The following SLMAP variants were observed in gnomAD, a reference collection of about 807,000 sequenced individuals.
SLMAP encodes sarcolemmal membrane-associated protein.
In SLMAP, 44 loss-of-function variants were observed where a neutral mutation model predicts 128.8. The observed-to-expected ratio is 0.34, with a 90% CI of 0.27 to 0.44. The LOEUF (loss-of-function observed/expected upper bound fraction) is 0.44, where lower values mean the gene tolerates loss of function less well. SLMAP is among the 20% of genes least tolerant of loss of function. SLMAP has a pLI of 1.00. For synonymous variants in SLMAP, 327 were observed against 348.8 expected, an observed-to-expected ratio of 0.94 and a Z score of 0.70; for missense variants, 787 against 985.3, an observed-to-expected ratio of 0.80 and a Z score of 2.69.
rs547852357 is a variant in SLMAP at position 57,762,150 on chromosome 3, C to T, written c.198+4301C>T. Among the ~76,000 whole-genome samples the T allele has an allele frequency of 5.3e-5, 8 of 150,236 alleles. No individual in the cohort carries two copies. The South Asian group carries it at 8.4e-4, about 16-fold the overall frequency. On this transcript the variant is annotated intron_variant, in intron 2 of 24. Transcript: ENST00000671191. ...TGGGGAGGCTGAGGCAGACGGATCA[C>T]GAGGTTAGGAGATCGAGATCATCCT...
chr3:57,778,914 A>G (rs1012884391), intron 2 of SLMAP, among the ~76,000 whole-genome samples: 4 of 152,086 alleles, frequency 2.6e-5, no homozygotes, highest in African/African-American at 9.7e-5. Context: ...GAATTTCTGT[A>G]TATCTATTGA....
At chr3:57,761,023 G>C (rs2078524175) in intron 2 of SLMAP, among the ~76,000 whole-genome samples, 1 of 151,298 alleles carries the variant, frequency 6.6e-6, no homozygotes, top group Non-Finnish European at 1.5e-5. Context: ...CACCGCGCCC[G>C]GCCAGGTTTT....
intron 17 of SLMAP, among the ~76,000 whole-genome samples, chr3:57,904,825 C>G (rs1300504065): frequency 6.6e-6 from 1 of 152,148 alleles, no homozygotes; most frequent in East Asian, 1.9e-4. Flanking sequence ...AACTACTAAA[C>G]ATTCTACAAT....
Position 57,831,398 on chromosome 3 carries a change from A to T in SLMAP, c.214A>T (p.Thr72Ser), listed in dbSNP as rs1184081812. 1 of 1,548,352 alleles carries T rather than the reference A, an allele frequency of 6.5e-7. No individual in the cohort carries two copies. Among genetic ancestry groups the T allele is most frequent in the Non-Finnish European group, 8.7e-7 (1 of 1,146,226 alleles). The change falls in exon 3 of 25, where the codon ACT (threonine) becomes TCT (serine). Residue 72 changes from threonine to serine, a missense_variant. Physicochemically the swap from Thr to Ser is moderately conservative, Grantham distance 58. Coordinates refer to ENST00000671191, the MANE Select transcript of SLMAP (RefSeq NM_001377540.1). ...TTTTTTGCAGTTTTATCTTCAAGAC[A>T]CTAAAAGTAGTAATGGTACTTTTAT... ...HKTGKFYLQD[T>S]KSSNGTFINS...
intron 2 of SLMAP, among the ~76,000 whole-genome samples, chr3:57,776,008 A>C (rs1429082445): frequency 1.3e-5 from 2 of 152,164 alleles, no homozygotes; most frequent in Non-Finnish European, 2.9e-5. Flanking sequence ...CAATTTTTTA[A>C]ATAATTTAAA....
intron 3 of SLMAP, among the ~76,000 whole-genome samples, chr3:57,838,353 G>T (rs573590910): frequency 3.3e-5 from 5 of 152,254 alleles, no homozygotes; most frequent in Non-Finnish European, 5.9e-5. Context: ...AAGCTAGGTG[G>T]TTCCTACAAA....
chr3:57,815,037 T>G (rs574572508), intron 2 of SLMAP, among the ~76,000 whole-genome samples: 2 of 152,102 alleles, frequency 1.3e-5, no homozygotes, highest in Admixed American at 6.6e-5. Flanking sequence ...TCCAACCTTT[T>G]TGGCACCGAG....
intron 2 of SLMAP, among the ~76,000 whole-genome samples, chr3:57,788,173 A>G (rs537331845): frequency 6.6e-6 from 1 of 152,228 alleles, no homozygotes; most frequent in Non-Finnish European, 1.5e-5. Flanking sequence ...ATTTTTGTGA[A>G]TCATATAGGA....
At chr3:57,827,152 G>T (rs1480783701) in intron 2 of SLMAP, among the ~76,000 whole-genome samples, 3 of 152,176 alleles carry the variant, frequency 2.0e-5, no homozygotes, top group Non-Finnish European at 4.4e-5. Context: ...CTGGCCTGTG[G>T]TGTGTCTACT....
intron 2 of SLMAP, among the ~76,000 whole-genome samples, chr3:57,763,072 C>G (rs1401563067): frequency 6.7e-6 from 1 of 150,330 alleles, no homozygotes; most frequent in East Asian, 2.0e-4. Flanking sequence ...ACTGAGCAAG[C>G]AGATCTACCC....
intron 6 of SLMAP, among the ~76,000 whole-genome samples, chr3:57,851,727 C>T (rs1237781934): frequency 6.6e-6 from 1 of 151,918 alleles, no homozygotes; most frequent in Non-Finnish European, 1.5e-5. Flanking sequence ...TCAAGTGATC[C>T]ATCCACCTTG....
At chr3:57,869,659 T>TATATATAA (rs1213782539) in intron 13 of SLMAP, among the ~76,000 whole-genome samples, 7 of 115,426 alleles carry the variant, frequency 6.1e-5, no homozygotes, top group East Asian at 6.2e-4. Flanking sequence ...TATATATATA[T>TATATATAA]AATATATATA....
At chr3:57,829,031 C>T (rs1419808601) in intron 2 of SLMAP, among the ~76,000 whole-genome samples, 1 of 152,102 alleles carries the variant, frequency 6.6e-6, no homozygotes, top group East Asian at 1.9e-4. Context: ...GATTCTCCCA[C>T]CTTGGCCTCC....
At chr3:57,890,948 CGTG>C (rs2096053748) in intron 15 of SLMAP, 1 of 152,062 alleles carries the variant, frequency 6.6e-6, no homozygotes, top group South Asian at 2.1e-4. Context: ...TCAAATATCT[CGTG>C]GTTTCCATTC....
At chr3:57,825,354 A>G (rs1407989943) in intron 2 of SLMAP, among the ~76,000 whole-genome samples, 1 of 151,750 alleles carries the variant, frequency 6.6e-6, no homozygotes, top group African/African-American at 2.4e-5. Context: ...ACTATTGAGT[A>G]TTATGTTAGC....
chr3:57,757,606 A>T lies in SLMAP; in HGVS notation c.-46A>T, dbSNP rs2077833563. On this transcript the variant is annotated 5_prime_UTR_variant, in exon 2 of 25. Coordinates refer to ENST00000671191, the MANE Select transcript of SLMAP (RefSeq NM_001377540.1). ...TGAAGGGCAGTCCGGATCCGGAGGA[A>T]CTCCTCTTTGTCCCTGGTAGGAGAG... The T allele has an allele frequency of 6.3e-7, 1 of 1,593,548 alleles. No individual in the cohort carries two copies. The highest frequency in any genetic ancestry group is 8.6e-7 in the Non-Finnish European group (1 of 1,164,076).
chr3:57,792,232 A>G (rs1576554057), intron 2 of SLMAP, among the ~76,000 whole-genome samples: 1 of 152,190 alleles, frequency 6.6e-6, no homozygotes, highest in African/African-American at 2.4e-5. Context: ...CTTTTTATAT[A>G]TAAATGCTTT....
At chr3:57,925,785 T>C in intron 23 of SLMAP, 60 bp from the exon 24 acceptor site, 2 of 1,229,640 alleles carry the variant, frequency 1.6e-6, no homozygotes, top group Non-Finnish European at 2.3e-6. Flanking sequence ...GGGGTCTGAA[T>C]CCTCTTATCT....
At chr3:57,904,504 T>G (rs1417720911) in intron 17 of SLMAP, among the ~76,000 whole-genome samples, 1 of 152,228 alleles carries the variant, frequency 6.6e-6, no homozygotes, top group Non-Finnish European at 1.5e-5. Flanking sequence ...CATTTCTTAT[T>G]TATCTTATGT....
Sources: allele counts gnomAD v4.1 joint callset (sites outside exome capture counted in the v4.1 genomes callset), GRCh38; gene constraint gnomAD v4.1.1; transcripts MANE v1.5; gene names NCBI Gene and HGNC (gene_info 2026-07-23, HGNC 2026-07-21).